The following SLC26A9 variants were observed in gnomAD, a reference collection of about 807,000 sequenced individuals.
The protein encoded by SLC26A9 is solute carrier family 26 member 9, also known as anion transporter/exchanger protein 9.
Under a neutral mutation model 87.1 loss-of-function variants are expected in SLC26A9, and 46 were observed. The ratio of observed to expected loss-of-function variants is 0.53; its 90% CI spans 0.42 to 0.67. The LOEUF is 0.67. Among genes scored for constraint, SLC26A9 ranks in the 30% least tolerant of loss-of-function variants. The pLI, the probability that SLC26A9 is intolerant of heterozygous loss-of-function variation, is 0.00. For synonymous variants in SLC26A9, 437 were observed against 409.1 expected, an observed-to-expected ratio of 1.07 and a Z score of -0.82; for missense variants, 927 against 1,018.3, an observed-to-expected ratio of 0.91 and a Z score of 1.22.
At position 205,923,519 on chromosome 1, in the gene SLC26A9, G is replaced by A. The variant is rs1488990572; in HGVS notation, c.1566+25C>T. ...TTGGGGTGGTGCAGAGCAAAAGAAG[G>A]AGGTCATAAGCTTGAATTACCTACC... is the stretch of plus-strand genomic sequence containing the variant. On this transcript the variant is annotated intron_variant, in intron 14 of 20. Coordinates refer to ENST00000367135, the MANE Select transcript of SLC26A9 (RefSeq NM_052934.4). The A allele has an allele frequency of 1.9e-6, 3 of 1,614,120 alleles. No homozygotes were observed. The East Asian group carries it at 6.7e-5, about 36-fold the overall frequency.
At chr1:205,921,959 G>C (rs926678806) in intron 16 of SLC26A9, 112 bp from the exon 17 acceptor site, 1 of 1,331,280 alleles carries the variant, frequency 7.5e-7, no homozygotes, top group African/African-American at 1.5e-5. Flanking sequence ...AACTCGCCTC[G>C]GTGATGGTGA....
chr1:205,925,873 CT>C (rs1659042089), intron 12 of SLC26A9, among the ~76,000 whole-genome samples: 2 of 152,238 alleles, frequency 1.3e-5, no homozygotes, highest in Admixed American at 1.3e-4. Context: ...GCCTTCATTA[CT>C]ATGCCCAGCG....
At position 205,940,641 on chromosome 1, in the gene SLC26A9, C is replaced by T. The variant is rs372039658; in HGVS notation, c.-19+2724G>A. On this transcript the variant is annotated intron_variant, in intron 1 of 20. Transcript: ENST00000367135. Reference sequence around the variant, plus strand: ...TACCTGCTGCCCCATGCCTTAACCCCTCCAAATTTTCCCAGGACTTGATGA... The same window carrying T: ...TACCTGCTGCCCCATGCCTTAACCCTTCCAAATTTTCCCAGGACTTGATGA... 3.9e-5 allele frequency among the ~76,000 whole-genome samples: 6 copies of T among 152,328 alleles called. No individual in the cohort carries two copies. The East Asian group carries it at 1.2e-3, about 29-fold the overall frequency.
chr1:205,929,495 A>G, intron 6 of SLC26A9, 139 bp from the exon 7 acceptor site: 1 of 1,345,260 alleles, frequency 7.4e-7, no homozygotes, highest in Non-Finnish European at 9.9e-7. Flanking sequence ...CCTGATCAGG[A>G]ACCCTGTCCC....
chr1:205,917,953 C>T (rs1658663948), intron 19 of SLC26A9, among the ~76,000 whole-genome samples: 1 of 152,194 alleles, frequency 6.6e-6, no homozygotes, highest in Admixed American at 6.5e-5. Flanking sequence ...AGCAGGAAAG[C>T]CCGTTGTTTC....
chr1:205,918,856 C>A lies in SLC26A9; in HGVS notation c.2240G>T (p.Gly747Val). The A allele has an allele frequency of 6.2e-7, 1 of 1,613,780 alleles. No individual in the cohort carries two copies. The change falls in exon 19 of 21, where the codon GGA becomes GTA. Residue 747 changes from glycine (G) to valine (V), a missense_variant. Coordinates refer to ENST00000367135, the MANE Select transcript of SLC26A9 (RefSeq NM_052934.4). ...GAACCTTACCCCTTGGAAGTTGTGT[C>A]CTGGGGTCACGTCTCTAGCATTTGC... ...AQANARDVTP[G>V]HNFQGAPGDA...
At chr1:205,931,111 T>C (rs970179117) in intron 5 of SLC26A9, among the ~76,000 whole-genome samples, 1 of 152,232 alleles carries the variant, frequency 6.6e-6, no homozygotes, top group Non-Finnish European at 1.5e-5. Context: ...TTCTGTCATG[T>C]TGTGCTTCCC....
intron 1 of SLC26A9, among the ~76,000 whole-genome samples, chr1:205,936,303 C>T (rs1659507143): frequency 6.6e-6 from 1 of 152,212 alleles, no homozygotes; most frequent in African/African-American, 2.4e-5. Flanking sequence ...CAGAAAACAG[C>T]TTGCCTAGAG....
chr1:205,922,313 A>T (rs1335037996), intron 16 of SLC26A9, among the ~76,000 whole-genome samples: 1 of 152,086 alleles, frequency 6.6e-6, no homozygotes, highest in African/African-American at 2.4e-5. Flanking sequence ...ATTTTTGTGT[A>T]TTTTTAGTAG....
intron 8 of SLC26A9, chr1:205,928,536 A>C: frequency 1.9e-6 from 1 of 515,340 alleles, no homozygotes; most frequent in Non-Finnish European, 3.5e-6. Flanking sequence ...CATTAGAGCA[A>C]GGCAAAGAGC....
At chr1:205,924,559 T>G in intron 12 of SLC26A9, 70 bp from the exon 13 acceptor site, 2 of 1,379,992 alleles carry the variant, frequency 1.4e-6, no homozygotes, top group Non-Finnish European at 1.0e-6. Context: ...CTTCCTGGAT[T>G]AGCCAAGGCC....
Position 205,923,421 on chromosome 1 carries a change from C to T in SLC26A9, c.1573G>A (p.Asp525Asn), listed in dbSNP as rs777021897. Reference sequence around the variant, plus strand: ...GTGATGATTTTAATCCCCTGGATATCCTGGGCCTGTGACAGGGAGACTGAG... The same window carrying T: ...GTGATGATTTTAATCCCCTGGATATTCTGGGCCTGTGACAGGGAGACTGAG... The part of the protein sequence containing the change: ...VNPKTYNRAQ[D>N]IQGIKIITYC... Residue 525 changes from aspartate (D) to asparagine (N), a missense_variant, in exon 15 of 21, where the codon GAT becomes AAT. By Grantham distance (23) the Asp-to-Asn change is conservative. Transcript: ENST00000367135. 6.8e-6 allele frequency: 11 copies of T among 1,614,176 alleles called. No homozygotes were observed. The highest frequency in any genetic ancestry group is 8.5e-6 in the Non-Finnish European group (10 of 1,180,038).
rs555551618 is a variant in SLC26A9 at position 205,930,120 on chromosome 1, C to T, written c.553-64G>A. 2.6e-4 allele frequency: 391 copies of T among 1,509,272 alleles called. No individual in the cohort carries two copies. In the Middle Eastern group the frequency reaches 6.9e-3, roughly 27 times the overall value. The allele number at this position is 1,509,272 out of a possible 1,614,324, so 93.5% of individuals were successfully genotyped here. ...ATGTGGTTCAGCAGTTCCAACGACC[C>T]GCCCCACACACACGCAGGTCTGGAG... On this transcript the variant is annotated intron_variant, in intron 5 of 20. Coordinates refer to ENST00000367135, the MANE Select transcript of SLC26A9 (RefSeq NM_052934.4).
chr1:205,939,778 A>G (rs1306560398), intron 1 of SLC26A9, among the ~76,000 whole-genome samples: 3 of 152,188 alleles, frequency 2.0e-5, no homozygotes, highest in Admixed American at 2.0e-4. Context: ...AAGAGGGAGC[A>G]AGAAAGAGAG....
intron 19 of SLC26A9, among the ~76,000 whole-genome samples, 194 bp from the exon 20 acceptor site, chr1:205,917,548 A>G (rs1232706264): frequency 5.3e-5 from 8 of 152,140 alleles, no homozygotes; most frequent in African/African-American, 1.9e-4. Context: ...TATACCAGAC[A>G]GGTGTGTATC....
At chr1:205,933,523 C>A (rs1659391219) in intron 2 of SLC26A9, among the ~76,000 whole-genome samples, 1 of 152,204 alleles carries the variant, frequency 6.6e-6, no homozygotes, top group Non-Finnish European at 1.5e-5. Flanking sequence ...CTGTCTCTCC[C>A]ACTAGGCAGC....
Position 205,913,308 on chromosome 1 carries a change from T to C in SLC26A9, c.*2049A>G, listed in dbSNP as rs1220026104. 1 of 152,332 alleles carries C rather than the reference T, an allele frequency of 6.6e-6. No homozygotes were observed. The highest frequency in any genetic ancestry group is 2.4e-5 in the African/African-American group (1 of 41,442). The allele number at this position is 152,332 out of a possible 1,614,324, so 9.4% of individuals were successfully genotyped here. ...AAATATTCCAGCAGAGATGTTTTCT[T>C]CAATGTCTTCCCTCTGCCTCATGTG... On this transcript the variant is annotated 3_prime_UTR_variant, in exon 21 of 21. Coordinates refer to ENST00000367135, the MANE Select transcript of SLC26A9 (RefSeq NM_052934.4).
chr1:205,915,061 G>T lies in SLC26A9; in HGVS notation c.*296C>A, dbSNP rs140700535. ...TTCAGCTGCCAAGGACAGGGCAGAG[G>T]TGGGTGGGGTGGAGTGAGCAGGAGG... On this transcript the variant is annotated 3_prime_UTR_variant, in exon 21 of 21. Transcript: ENST00000367135. 6.2e-7 allele frequency: 1 copy of T among 1,614,086 alleles called. No individual in the cohort carries two copies.
chr1:205,922,205 C>T (rs1489692216), intron 16 of SLC26A9, among the ~76,000 whole-genome samples: 1 of 152,194 alleles, frequency 6.6e-6, no homozygotes, highest in African/African-American at 2.4e-5. Flanking sequence ...GGCACTATCT[C>T]GGCTCACTGC....
Sources: gnomAD v4.1 joint callset for allele counts (sites outside exome capture counted in the v4.1 genomes callset) on GRCh38, gnomAD v4.1.1 for gene constraint, MANE v1.5 for transcripts, NCBI Gene and HGNC (gene_info 2026-07-23, HGNC 2026-07-21) for gene names.